The following PPM1L variants were observed in gnomAD, a reference collection of about 807,000 sequenced individuals.
PPM1L encodes protein phosphatase 1L.
In PPM1L, 13 loss-of-function variants were observed where a neutral mutation model predicts 31.4. That is an observed-to-expected ratio of 0.41 (90% CI 0.27 to 0.66). The LOEUF (loss-of-function observed/expected upper bound fraction) is 0.66. Among genes scored for constraint, PPM1L ranks in the 30% least tolerant of loss-of-function variants. The pLI is 0.29. For synonymous variants in PPM1L, 184 were observed against 175.4 expected, an observed-to-expected ratio of 1.05 and a Z score of -0.39; for missense variants, 326 against 453.7, an observed-to-expected ratio of 0.72 and a Z score of 2.56.
chr3:160,770,443 A>T (rs1398480444), intron 1 of PPM1L, among the ~76,000 whole-genome samples: 2 of 152,238 alleles, frequency 1.3e-5, no homozygotes, highest in South Asian at 4.1e-4. Context: ...ACCTGTAGAA[A>T]GTAAGAGCCA....
chr3:160,908,327 T>C (rs1334172650), intron 1 of PPM1L, among the ~76,000 whole-genome samples: 2 of 152,196 alleles, frequency 1.3e-5, no homozygotes, highest in East Asian at 3.9e-4. Flanking sequence ...TAAAATGGCC[T>C]ACCAAGAAGG....
At chr3:160,897,865 C>G (rs1312563228) in intron 1 of PPM1L, among the ~76,000 whole-genome samples, 1 of 152,198 alleles carries the variant, frequency 6.6e-6, no homozygotes, top group Non-Finnish European at 1.5e-5. Flanking sequence ...CCCAGTCACT[C>G]TTGCACCCTG....
rs1156269173 is a variant in PPM1L, at chr3:161,022,209, T to C, written c.575-43194T>C. ...CAAGTAACACCTTAGCTTCAAAATA[T>C]CTAGTTCATATTAATTCTAAACTAA... On this transcript the variant is annotated intron_variant, in intron 2 of 3. Transcript: ENST00000498165. The C allele has an allele frequency of 4.5e-6, 3 of 666,628 alleles. No individual in the cohort carries two copies. The African/African-American group carries it at 5.5e-5, about 12-fold the overall frequency. The allele number at this position is 666,628 out of a possible 1,614,324, so 41.3% of individuals were successfully genotyped here.
At chr3:160,858,637 ATTAG>A (rs1560128800) in intron 1 of PPM1L, among the ~76,000 whole-genome samples, 1 of 152,200 alleles carries the variant, frequency 6.6e-6, no homozygotes, top group Non-Finnish European at 1.5e-5. Flanking sequence ...CCCTTTACTT[ATTAG>A]TTATATTTTG....
chr3:161,012,448 A>G (rs556208199), intron 2 of PPM1L, among the ~76,000 whole-genome samples: 2 of 152,092 alleles, frequency 1.3e-5, no homozygotes, highest in Non-Finnish European at 2.9e-5. Flanking sequence ...TTTTGCATCA[A>G]TGTTAATCAA....
At chr3:160,996,063 G>A (rs559408911) in intron 2 of PPM1L, among the ~76,000 whole-genome samples, 16 of 152,254 alleles carry the variant, frequency 1.1e-4, no homozygotes, top group South Asian at 6.2e-4. Context: ...AGTGATCAGG[G>A]AAATGCAAAT....
chr3:161,038,030 G>A (rs1393438909), intron 2 of PPM1L, among the ~76,000 whole-genome samples: 1 of 151,532 alleles, frequency 6.6e-6, no homozygotes, highest in Non-Finnish European at 1.5e-5. Flanking sequence ...TCAGGAGATC[G>A]AGACCATCCC....
Position 160,940,481 on chromosome 3 carries a change from G to A in PPM1L, c.400-21255G>A, listed in dbSNP as rs1215989806. On this transcript the variant is annotated intron_variant, in intron 1 of 3. Transcript: ENST00000498165. ...TGTGGGCTGGGCGCAGGGTCCCTGT[G>A]CTGTGTGCAGCCTAGGGACTTGGTG... Among the ~76,000 whole-genome samples, 9 of 152,302 alleles carry A rather than the reference G, an allele frequency of 5.9e-5. No homozygotes were observed. In the South Asian group the frequency reaches 1.0e-3, roughly 18 times the overall value.
rs116760096 is a variant in PPM1L at position 161,068,747 on chromosome 3, T to C, written c.737-64T>C. On this transcript the variant is annotated intron_variant, in intron 3 of 3. Coordinates refer to ENST00000498165, the MANE Select transcript of PPM1L (RefSeq NM_139245.4). ...TAGGTCACCCTGTTGCGCACGTACC[T>C]AGACTATCCCAGGTAAGTGAGATAT... 8.3e-4 allele frequency: 1,167 copies of C among 1,406,598 alleles called. 12 individuals carry two copies. The African/African-American group carries it at 0.016, about 19-fold the overall frequency. 87.1% of individuals were successfully genotyped at this position (1,406,598 alleles called of 1,614,324 possible).
intron 2 of PPM1L, among the ~76,000 whole-genome samples, chr3:160,986,179 A>G (rs1300108558): frequency 1.3e-5 from 2 of 152,236 alleles, no homozygotes; most frequent in Non-Finnish European, 2.9e-5. Context: ...TCTTTGAAGA[A>G]ATAGAGTGAG....
At chr3:160,918,191 TTCTTTCCGATG>T (rs1714258708) in intron 1 of PPM1L, among the ~76,000 whole-genome samples, 1 of 152,236 alleles carries the variant, frequency 6.6e-6, no homozygotes, top group Non-Finnish European at 1.5e-5. Flanking sequence ...TTATTTGCTC[TTCTTTCCGATG>T]AGACTGAAAG....
At chr3:161,032,696 T>A (rs1718607025) in intron 2 of PPM1L, among the ~76,000 whole-genome samples, 1 of 150,456 alleles carries the variant, frequency 6.6e-6, no homozygotes, top group African/African-American at 2.4e-5. Flanking sequence ...GAAGTCCTTT[T>A]TTTTTTTTTT....
At chr3:160,991,907 TAAC>T (rs1717147778) in intron 2 of PPM1L, among the ~76,000 whole-genome samples, 1 of 152,240 alleles carries the variant, frequency 6.6e-6, no homozygotes, top group Non-Finnish European at 1.5e-5. Context: ...CTAATAATGA[TAAC>T]TAATAATTAT....
In PPM1L at chr3:161,073,528, T is replaced by C. The variant is rs543456564; in HGVS notation, c.*4371T>C. The C allele has an allele frequency of 3.9e-5, 6 of 152,184 alleles. 1 individual carries two copies. The highest frequency in any genetic ancestry group is 7.2e-5 in the African/African-American group (3 of 41,530). The allele number at this position is 152,184 out of a possible 1,614,324, so 9.4% of individuals were successfully genotyped here. A position where few individuals can be genotyped will look rare whatever the true frequency, so the allele number is the denominator to read the frequency against. ...ATGACCAACAGCAGCCTCATATTGA[T>C]AGCAGAACAATCCTACTTAAAGCTC... On this transcript the variant is annotated 3_prime_UTR_variant, in exon 4 of 4. Coordinates refer to ENST00000498165, the MANE Select transcript of PPM1L (RefSeq NM_139245.4).
chr3:160,836,235 G>GAGTATTTTTAAGAAGTAGGA (rs1415239242), intron 1 of PPM1L, among the ~76,000 whole-genome samples: 1 of 152,154 alleles, frequency 6.6e-6, no homozygotes, highest in South Asian at 2.1e-4. Context: ...AAGGAAGAGA[G>GAGTATTTTTAAGAAGTAGGA]AGTATTTTTA....
chr3:160,976,369 CAGGATG>C (rs1392102546), intron 2 of PPM1L, among the ~76,000 whole-genome samples: 1 of 141,778 alleles, frequency 7.1e-6, no homozygotes, highest in Non-Finnish European at 1.5e-5. Flanking sequence ...GCTTTGGTAT[CAGGATG>C]ATGCTGGCCT....
At chr3:161,018,114 G>T (rs1263517890) in intron 2 of PPM1L, among the ~76,000 whole-genome samples, 2 of 152,090 alleles carry the variant, frequency 1.3e-5, no homozygotes, top group African/African-American at 2.4e-5. Context: ...AGATAAATTT[G>T]CATTCAGACT....
chr3:160,869,470 A>G (rs1328601187), intron 1 of PPM1L, among the ~76,000 whole-genome samples: 2 of 152,196 alleles, frequency 1.3e-5, no homozygotes, highest in African/African-American at 4.8e-5. Flanking sequence ...ATAAGGCTGT[A>G]ACCTTATAAC....
At chr3:160,849,883 G>A (rs529371136) in intron 1 of PPM1L, among the ~76,000 whole-genome samples, 2 of 152,180 alleles carry the variant, frequency 1.3e-5, no homozygotes, top group African/African-American at 4.8e-5. Flanking sequence ...GCCATGCCTT[G>A]TCTTCCATAC....
Sources: allele counts gnomAD v4.1 joint callset (sites outside exome capture counted in the v4.1 genomes callset), GRCh38; gene constraint gnomAD v4.1.1; transcripts MANE v1.5; gene names NCBI Gene and HGNC (gene_info 2026-07-23, HGNC 2026-07-21).